IRF8: variants seen among roughly 807,000 people sequenced by gnomAD.
The protein encoded by IRF8 is interferon regulatory factor 8, also known as interferon consensus sequence binding protein 1.
IRF8 carries 14 observed loss-of-function variants against 48.7 expected under a neutral mutation model. The observed-to-expected ratio is 0.29, with a 90% CI of 0.19 to 0.45. The LOEUF (loss-of-function observed/expected upper bound fraction) is 0.45. Among genes scored for constraint, IRF8 ranks in the 20% least tolerant of loss-of-function variants. The pLI, the probability that IRF8 is intolerant of heterozygous loss-of-function variation, is 1.00. For missense variants in IRF8, 493 were observed against 580.7 expected, an observed-to-expected ratio of 0.85 and a Z score of 1.55; for synonymous variants, 278 against 227.3, an observed-to-expected ratio of 1.22 and a Z score of -2.01.
At chr16:85,917,484 T>G (rs1381854334) in intron 6 of IRF8, among the ~76,000 whole-genome samples, 1 of 152,140 alleles carries the variant, frequency 6.6e-6, no homozygotes, top group Non-Finnish European at 1.5e-5. Context: ...AAATAAAACT[T>G]AAGTTTATTT....
chr16:85,920,173 G>T lies in IRF8; in HGVS notation c.1053G>T (p.Gly351=). The change falls in exon 8 of 9, where the codon GGG becomes GGT. Residue 351 remains glycine (G), a synonymous_variant. Transcript: ENST00000268638. ...ACGGCAGGGTGGTGCTGTGCTTTGGGGAAGAGTTTCCGGATATGGCCCCCT... is the reference window on the plus strand; with the variant it reads ...ACGGCAGGGTGGTGCTGTGCTTTGGTGAAGAGTTTCCGGATATGGCCCCCT... ...LPDGRVVLCF[G]EEFPDMAPLR... is the part of the protein sequence containing the mutation. 6.2e-7 allele frequency: 1 copy of T among 1,614,086 alleles called. No individual in the cohort carries two copies. Among genetic ancestry groups the T allele is most frequent in the Non-Finnish European group, 8.5e-7 (1 of 1,179,988 alleles).
rs1277105692 is a variant in IRF8 at position 85,918,548 on chromosome 16, G to A, written c.733G>A (p.Glu245Lys). 7 of 1,602,988 alleles carry A rather than the reference G, an allele frequency of 4.4e-6. No individual in the cohort carries two copies. Among genetic ancestry groups the A allele is most frequent in the African/African-American group, 1.3e-5 (1 of 74,980 alleles). ...GCCCGGCACCAAGCTGTATGGGCCC[G>A]AGGGCCTGGAGCTGGTGCGCTTCCC... ...GLPGTKLYGP[E>K]GLELVRFPPA... is the part of the protein sequence containing the mutation. Residue 245 changes from glutamate (E) to lysine (K), a missense_variant, in exon 7 of 9, where the codon GAG becomes AAG. Around this residue, in one of 3 missense-constraint regions of IRF8, gnomAD observed 408 missense variants for 449.6 expected, o/e 0.91. Coordinates refer to ENST00000268638, the MANE Select transcript of IRF8 (RefSeq NM_002163.4).
In IRF8 at chr16:85,903,025, C is replaced by T. The variant is rs1064796262; in HGVS notation, c.10C>T (p.Arg4Trp). The change falls in exon 2 of 9, where the codon CGG (arginine) becomes TGG (tryptophan). Residue 4 changes from arginine to tryptophan, a missense_variant. This residue lies in a region of IRF8 where 54 missense variants were observed against 59.9 expected (regional missense o/e 0.90). Coordinates refer to ENST00000268638, the MANE Select transcript of IRF8 (RefSeq NM_002163.4). ...TTCTGTCTTTCCAAGGATGTGTGAC[C>T]GGAATGGTGGTCGGCGGCTTCGACA... MCD[R>W]NGGRRLRQWL... The T allele has an allele frequency of 1.9e-6, 3 of 1,613,930 alleles. No individual in the cohort carries two copies. The highest frequency in any genetic ancestry group is 1.3e-5 in the African/African-American group (1 of 74,888).
At chr16:85,904,081 A>ATC (rs1904914559) in intron 2 of IRF8, among the ~76,000 whole-genome samples, 1 of 152,240 alleles carries the variant, frequency 6.6e-6, no homozygotes, top group Admixed American at 6.5e-5. Flanking sequence ...CTGTGTGGGC[A>ATC]TCTCTAAGGC....
chr16:85,916,231 T>C (rs538455415), intron 6 of IRF8, among the ~76,000 whole-genome samples: 1 of 152,316 alleles, frequency 6.6e-6, no homozygotes, highest in East Asian at 1.9e-4. Context: ...ACTTTGCTGA[T>C]GAAAAGCTGA....
At position 85,918,408 on chromosome 16, in the gene IRF8, T is replaced by C. The variant is rs1352963423; in HGVS notation, c.602-9T>C. 6.3e-7 allele frequency: 1 copy of C among 1,594,804 alleles called. No individual in the cohort carries two copies. On this transcript the variant is annotated splice_polypyrimidine_tract_variant and intron_variant, in intron 6 of 8. Transcript: ENST00000268638. The stretch of plus-strand genomic sequence containing the variant: ...CGCAGCACCGTCATCGTGTCCCTCT[T>C]GTCCACAGCATTCTCCCAGATGGTG...
chr16:85,919,700 G>A (rs542506212), intron 7 of IRF8, among the ~76,000 whole-genome samples: 1 of 152,360 alleles, frequency 6.6e-6, no homozygotes, highest in East Asian at 1.9e-4. Context: ...GGCGACTGCT[G>A]CCGGTCCACC....
intron 2 of IRF8, among the ~76,000 whole-genome samples, chr16:85,906,171 C>A (rs770184865): frequency 2.0e-5 from 3 of 152,002 alleles, no homozygotes; most frequent in Non-Finnish European, 4.4e-5. Flanking sequence ...ATTCAGCAGG[C>A]CTTGAAGGGA....
chr16:85,909,329 T>TG (rs1905083013), intron 3 of IRF8, 156 bp downstream of exon 3: 1 of 702,076 alleles, frequency 1.4e-6, no homozygotes, highest in Admixed American at 2.1e-5. Flanking sequence ...AATTGAGATC[T>TG]CTTTCCAGTG....
chr16:85,908,146 C>G (rs1436588654), intron 2 of IRF8, among the ~76,000 whole-genome samples: 9 of 152,228 alleles, frequency 5.9e-5, no homozygotes, highest in Non-Finnish European at 1.5e-5. Context: ...GATCTCCTAT[C>G]ATTTTAGGCT....
chr16:85,905,353 T>C (rs1028600510), intron 2 of IRF8, among the ~76,000 whole-genome samples: 1 of 151,892 alleles, frequency 6.6e-6, no homozygotes, highest in Non-Finnish European at 1.5e-5. Context: ...TACTTCAACT[T>C]GTGCTCGGGG....
At position 85,920,084 on chromosome 16, in the gene IRF8, A is replaced by G. The variant is rs1385227888; in HGVS notation, c.989-25A>G. On this transcript the variant is annotated intron_variant, in intron 7 of 8. Coordinates refer to ENST00000268638, the MANE Select transcript of IRF8 (RefSeq NM_002163.4). ...GAGGTCATCTCGGCCTTGCTTGCAAACACCCTCTGCCTGTGTCATTCCAGA... is the reference window on the plus strand; with the variant it reads ...GAGGTCATCTCGGCCTTGCTTGCAAGCACCCTCTGCCTGTGTCATTCCAGA... 1.9e-6 allele frequency: 3 copies of G among 1,577,504 alleles called. No homozygotes were observed. In the South Asian group the frequency reaches 3.3e-5, roughly 18 times the overall value.
At chr16:85,920,019 T>A (rs1331294398) in intron 7 of IRF8, 90 bp from the exon 8 acceptor site, 2 of 935,358 alleles carry the variant, frequency 2.1e-6, no homozygotes, top group Non-Finnish European at 3.4e-6. Context: ...CTACAAGCCC[T>A]GGGCCTCCTG....
At chr16:85,904,812 C>CA (rs1904941172) in intron 2 of IRF8, among the ~76,000 whole-genome samples, 1 of 87,598 alleles carries the variant, frequency 1.1e-5, no homozygotes. Context: ...GATTGCAGAT[C>CA]TTTTTTTTTT....
chr16:85,911,310 G>C (rs1905134925), intron 3 of IRF8, among the ~76,000 whole-genome samples: 1 of 152,140 alleles, frequency 6.6e-6, no homozygotes, highest in Non-Finnish European at 1.5e-5. Flanking sequence ...AGAAGAAAGA[G>C]ACCAAAGTGC....
intron 1 of IRF8, among the ~76,000 whole-genome samples, chr16:85,900,653 C>T (rs1386346732): frequency 1.3e-5 from 2 of 152,348 alleles, no homozygotes; most frequent in African/African-American, 4.8e-5. Flanking sequence ...CCGCTGGCTG[C>T]CTCGGTATTT....
chr16:85,902,783 T>TGGTGGCTGCAGGTGGCTGCA (rs29001489), intron 1 of IRF8: 3 of 567,984 alleles, frequency 5.3e-6, no homozygotes, highest in South Asian at 1.9e-5. Flanking sequence ...AGGGGGCTGC[T>TGGTGGCTGCAGGTGGCTGCA]GGTGGCTGCA....
intron 1 of IRF8, among the ~76,000 whole-genome samples, chr16:85,900,075 A>G (rs527536550): frequency 6.6e-6 from 1 of 152,288 alleles, no homozygotes; most frequent in East Asian, 1.9e-4. Context: ...CTATGAAAAG[A>G]TTTGGGAGTG....
chr16:85,908,649 G>A (rs537428248), intron 2 of IRF8, among the ~76,000 whole-genome samples: 2 of 152,210 alleles, frequency 1.3e-5, no homozygotes, highest in African/African-American at 2.4e-5. Flanking sequence ...TCTTTGTGCT[G>A]TGTAAACCTC....
Sources: gnomAD v4.1 joint callset for allele counts (sites outside exome capture counted in the v4.1 genomes callset) on GRCh38, gnomAD v4.1.1 for gene constraint, gnomAD v4.1.1 regional missense constraint, MANE v1.5 for transcripts, NCBI Gene and HGNC (gene_info 2026-07-23, HGNC 2026-07-21) for gene names.